The following NKAIN3 variants were observed in gnomAD, a reference collection of about 807,000 sequenced individuals.
NKAIN3 encodes sodium/potassium transporting ATPase interacting 3, also known as sodium/potassium-transporting ATPase subunit beta-1-interacting protein 3.
In NKAIN3, 25 loss-of-function variants were observed where a neutral mutation model predicts 30.2. The ratio of observed to expected loss-of-function variants is 0.83; its 90% CI spans 0.60 to 1.16. The LOEUF (loss-of-function observed/expected upper bound fraction) is 1.16, where lower values mean the gene tolerates loss of function less well. Ranked by LOEUF, NKAIN3 falls within the 50% of genes most tolerant of loss-of-function variation. The pLI is 0.00. For missense variants in NKAIN3, 225 were observed against 254.1 expected, an observed-to-expected ratio of 0.89 and a Z score of 0.78; for synonymous variants, 91 against 89.6, an observed-to-expected ratio of 1.02 and a Z score of -0.09.
chr8:62,646,346 CA>C, intron 3 of NKAIN3, among the ~76,000 whole-genome samples: 1 of 152,194 alleles, frequency 6.6e-6, no homozygotes. Context: ...TTCAAAACTG[CA>C]AAACAGAGCA....
chr8:62,905,743 TA>T (rs1027087815), intron 4 of NKAIN3, among the ~76,000 whole-genome samples: 3 of 152,184 alleles, frequency 2.0e-5, no homozygotes, highest in Non-Finnish European at 4.4e-5. Context: ...TCAATTTCTG[TA>T]CCCCTCATAC....
chr8:62,575,093 T>C (rs1341932824), intron 1 of NKAIN3, among the ~76,000 whole-genome samples: 1 of 152,114 alleles, frequency 6.6e-6, no homozygotes, highest in Non-Finnish European at 1.5e-5. Context: ...TTACTGTTAT[T>C]CAGCATAGTA....
chr8:62,508,605 G>C (rs1484653551), intron 1 of NKAIN3, among the ~76,000 whole-genome samples: 1 of 152,106 alleles, frequency 6.6e-6, no homozygotes, highest in Non-Finnish European at 1.5e-5. Context: ...TAATATGTTT[G>C]ACATGCATGG....
At chr8:62,805,625 T>TC (rs1818251252) in intron 4 of NKAIN3, among the ~76,000 whole-genome samples, 1 of 152,172 alleles carries the variant, frequency 6.6e-6, no homozygotes, top group Non-Finnish European at 1.5e-5. Flanking sequence ...CTGGATCCCT[T>TC]CCTTACACCT....
chr8:62,690,285 C>T (rs1264837325), intron 3 of NKAIN3, among the ~76,000 whole-genome samples: 2 of 152,176 alleles, frequency 1.3e-5, no homozygotes, highest in Non-Finnish European at 2.9e-5. Flanking sequence ...GGGCTTCTTA[C>T]AACGGGGCCC....
chr8:62,721,862 T>C (rs1005454597), intron 3 of NKAIN3, among the ~76,000 whole-genome samples: 2 of 152,176 alleles, frequency 1.3e-5, no homozygotes, highest in East Asian at 3.8e-4. Flanking sequence ...TTCAGACACC[T>C]TGAAACATGT....
chr8:62,434,972 A>T (rs1014289843), intron 1 of NKAIN3, among the ~76,000 whole-genome samples: 4 of 152,132 alleles, frequency 2.6e-5, no homozygotes, highest in Non-Finnish European at 4.4e-5. Flanking sequence ...CAGCAAGATA[A>T]GCTCCCTTTC....
intron 1 of NKAIN3, among the ~76,000 whole-genome samples, chr8:62,448,807 A>G (rs1309231815): frequency 6.6e-6 from 1 of 151,956 alleles, no homozygotes; most frequent in Non-Finnish European, 1.5e-5. Context: ...AAAGCATATG[A>G]TGTTGTATGG....
At chr8:62,870,547 T>C (rs1820595706) in intron 4 of NKAIN3, among the ~76,000 whole-genome samples, 1 of 133,292 alleles carries the variant, frequency 7.5e-6, no homozygotes, top group Non-Finnish European at 1.5e-5. Context: ...TATGTACATA[T>C]ATATACTATA....
chr8:62,604,513 A>G (rs763420165), intron 3 of NKAIN3, among the ~76,000 whole-genome samples: 16 of 152,146 alleles, frequency 1.1e-4, no homozygotes, highest in Admixed American at 2.0e-4. Flanking sequence ...CAGATGGAAT[A>G]TCTCACAATC....
chr8:62,726,307 T>C (rs891073928), intron 3 of NKAIN3, among the ~76,000 whole-genome samples: 4 of 152,092 alleles, frequency 2.6e-5, no homozygotes, highest in Admixed American at 6.5e-5. Context: ...TGTCCTTTAT[T>C]TCCTTCTCTT....
chr8:62,735,476 C>T (rs534575748), intron 3 of NKAIN3, among the ~76,000 whole-genome samples: 4 of 150,990 alleles, frequency 2.6e-5, no homozygotes, highest in Non-Finnish European at 4.4e-5. Flanking sequence ...TGAGTGTGTC[C>T]TTTATTTCCA....
At chr8:62,276,862 C>T (rs1812980905) in intron 1 of NKAIN3, among the ~76,000 whole-genome samples, 1 of 152,118 alleles carries the variant, frequency 6.6e-6, no homozygotes, top group Admixed American at 6.6e-5. Flanking sequence ...TTTTAGAATA[C>T]AACTGTGATT....
At chr8:62,810,944 A>G (rs1818466309) in intron 4 of NKAIN3, among the ~76,000 whole-genome samples, 1 of 152,140 alleles carries the variant, frequency 6.6e-6, no homozygotes, top group Non-Finnish European at 1.5e-5. Context: ...ACTATAGTAC[A>G]ATATTACAAC....
At chr8:62,331,559 T>C (rs983403419) in intron 1 of NKAIN3, among the ~76,000 whole-genome samples, 15 of 152,188 alleles carry the variant, frequency 9.9e-5, no homozygotes, top group Non-Finnish European at 4.4e-5. Flanking sequence ...CTTAGTGTCC[T>C]GAACAATACA....
intron 1 of NKAIN3, among the ~76,000 whole-genome samples, chr8:62,340,120 A>C (rs562908355): frequency 6.6e-6 from 1 of 152,230 alleles, no homozygotes; most frequent in East Asian, 1.9e-4. Context: ...CCTGCAGGAA[A>C]ACTGTATTTT....
intron 1 of NKAIN3, among the ~76,000 whole-genome samples, chr8:62,522,193 A>G (rs1342600652): frequency 6.6e-6 from 1 of 152,160 alleles, no homozygotes; most frequent in Non-Finnish European, 1.5e-5. Context: ...GGCCACATAT[A>G]CAAATGATGG....
At chr8:62,755,420 GT>G (rs1427772377) in intron 4 of NKAIN3, among the ~76,000 whole-genome samples, 1 of 152,202 alleles carries the variant, frequency 6.6e-6, no homozygotes, top group East Asian at 1.9e-4. Context: ...TTGGCAAATA[GT>G]TAAAAATGTT....
rs375686566 is a variant in NKAIN3 at position 62,303,258 on chromosome 8, CCA to C, written c.54+54134_54+54135del. 4.3e-3 allele frequency among the ~76,000 whole-genome samples: 651 copies of C among 150,420 alleles called. 59 individuals carry two copies. The highest frequency in any genetic ancestry group is 0.016 in the African/African-American group (621 of 39,932). On this transcript the variant is annotated intron_variant, in intron 1 of 6. Coordinates refer to ENST00000623646, the MANE Select transcript of NKAIN3 (RefSeq NM_001304533.3). Reference sequence around the variant, plus strand: ...ATAAACCTAATAGCCCTGGAATGATCCACAGTGTGAGCAAATTTCCGCATTCT... The same window carrying C: ...ATAAACCTAATAGCCCTGGAATGATCCAGTGTGAGCAAATTTCCGCATTCT...
Sources: gnomAD v4.1 joint callset for allele counts (sites outside exome capture counted in the v4.1 genomes callset) on GRCh38, gnomAD v4.1.1 for gene constraint, MANE v1.5 for transcripts, NCBI Gene and HGNC (gene_info 2026-07-23, HGNC 2026-07-21) for gene names.